ATRNL1: variants seen among roughly 807,000 people sequenced by gnomAD.
ATRNL1 encodes the protein attractin-like protein 1.
In ATRNL1, 95 loss-of-function variants were observed where a neutral mutation model predicts 182.7. That is an observed-to-expected ratio of 0.52 (90% CI 0.44 to 0.62). ATRNL1 has a LOEUF of 0.62. Ranked by LOEUF, ATRNL1 falls within the 20% of genes least tolerant of loss-of-function variation. ATRNL1 has a pLI of 0.00. For missense variants in ATRNL1, 1,471 were observed against 1,679.5 expected (o/e 0.88, Z 2.17); for synonymous variants, 576 against 568.3 (o/e 1.01, Z -0.19).
chr10:115,637,859 G>A (rs1448081898), intron 26 of ATRNL1, among the ~76,000 whole-genome samples: 3 of 151,818 alleles, frequency 2.0e-5, no homozygotes, highest in Admixed American at 6.6e-5. Flanking sequence ...TCCTGACCTC[G>A]TGATCTGCCT....
intron 5 of ATRNL1, among the ~76,000 whole-genome samples, chr10:115,157,175 A>G (rs1592184300): frequency 6.6e-6 from 1 of 152,162 alleles, no homozygotes; most frequent in Non-Finnish European, 1.5e-5. Context: ...CATTGTATAC[A>G]TGTATCAAAA....
chr10:115,413,430 C>T (rs1845237094), intron 20 of ATRNL1, among the ~76,000 whole-genome samples: 1 of 151,858 alleles, frequency 6.6e-6, no homozygotes, highest in Admixed American at 6.6e-5. Flanking sequence ...TGATGTTTAC[C>T]AACTCCTATG....
intron 19 of ATRNL1, among the ~76,000 whole-genome samples, chr10:115,356,618 C>CT: frequency 6.6e-6 from 1 of 152,004 alleles, no homozygotes; most frequent in Non-Finnish European, 1.5e-5. Flanking sequence ...TTAAAAAGAA[C>CT]TATCTGTGGG....
intron 21 of ATRNL1, among the ~76,000 whole-genome samples, chr10:115,442,236 C>G (rs1281455880): frequency 1.9e-4 from 28 of 144,740 alleles, no homozygotes; most frequent in Middle Eastern, 3.8e-3. Context: ...TTTTTTTTTC[C>G]TCAAACAGCG....
intron 10 of ATRNL1, among the ~76,000 whole-genome samples, chr10:115,243,639 A>G (rs1264745571): frequency 6.6e-6 from 1 of 152,042 alleles, no homozygotes; most frequent in Non-Finnish European, 1.5e-5. Flanking sequence ...GTATGTTCTT[A>G]ATTATGGCAA....
intron 10 of ATRNL1, 116 bp from the exon 11 acceptor site, chr10:115,265,077 T>G (rs1851550424): frequency 1.9e-6 from 1 of 524,910 alleles, no homozygotes; most frequent in Non-Finnish European, 3.3e-6. Context: ...AGAATTTTTT[T>G]TTTGCTTCCT....
chr10:115,787,326 G>T (rs1284728307), intron 27 of ATRNL1, among the ~76,000 whole-genome samples: 1 of 152,004 alleles, frequency 6.6e-6, no homozygotes, highest in South Asian at 2.1e-4. Context: ...ATATAGCCAG[G>T]CTTTACCCAT....
At chr10:115,480,245 A>G (rs1365030544) in intron 24 of ATRNL1, among the ~76,000 whole-genome samples, 1 of 149,898 alleles carries the variant, frequency 6.7e-6, no homozygotes, top group Non-Finnish European at 1.5e-5. Flanking sequence ...CAAAACAGAA[A>G]ACTACTGGTT....
intron 25 of ATRNL1, among the ~76,000 whole-genome samples, chr10:115,536,137 G>C (rs987800162): frequency 6.6e-6 from 1 of 152,102 alleles, no homozygotes; most frequent in Non-Finnish European, 1.5e-5. Flanking sequence ...TGCTCTCTTC[G>C]AAGCTGTCAG....
At chr10:115,596,990 T>TA (rs5788106) in intron 26 of ATRNL1, among the ~76,000 whole-genome samples, 72,118 of 151,546 alleles carry the variant, frequency 0.48, 18,620 homozygotes, top group East Asian at 0.84. Context: ...CAAAAAAGGT[T>TA]AAAAAAAATC....
intron 26 of ATRNL1, among the ~76,000 whole-genome samples, chr10:115,556,893 T>A (rs1190332956): frequency 6.6e-5 from 10 of 151,356 alleles, no homozygotes; most frequent in African/African-American, 2.4e-4. Context: ...TGTATCTGTG[T>A]GTATGTGTGT....
chr10:115,919,155 A>G (rs116141633), intron 28 of ATRNL1, among the ~76,000 whole-genome samples: 1 of 152,320 alleles, frequency 6.6e-6, no homozygotes, highest in African/African-American at 2.4e-5. Context: ...TTCAAAAGAT[A>G]AGGGGTCAAC....
At chr10:115,622,231 T>C (rs1857816379) in intron 26 of ATRNL1, among the ~76,000 whole-genome samples, 2 of 152,190 alleles carry the variant, frequency 1.3e-5, no homozygotes, top group South Asian at 4.1e-4. Flanking sequence ...CCAAAGAGAT[T>C]GAGGAACGGG....
In ATRNL1 at chr10:115,100,283, G is replaced by T. The variant is rs532371217; in HGVS notation, c.293+6240G>T. Among the ~76,000 whole-genome samples the T allele has an allele frequency of 1.1e-4, 16 of 151,264 alleles. No individual in the cohort carries two copies. In the East Asian group the frequency reaches 3.1e-3, roughly 29 times the overall value. ...ACTGTACTCCATCCTGGGCAACACA[G>T]CAAGACCATGTCTTTAAAAAATAAA... On this transcript the variant is annotated intron_variant, in intron 1 of 28. Transcript: ENST00000355044.
chr10:115,163,848 G>A (rs117435173), intron 6 of ATRNL1, among the ~76,000 whole-genome samples: 1,822 of 152,260 alleles, frequency 0.012, 24 homozygotes, highest in Non-Finnish European at 0.018. Flanking sequence ...GACTAGTGGT[G>A]TGAATCTGTG....
intron 19 of ATRNL1, among the ~76,000 whole-genome samples, chr10:115,339,037 T>C (rs2134088145): frequency 6.6e-6 from 1 of 152,286 alleles, no homozygotes; most frequent in East Asian, 1.9e-4. Context: ...ACTGTAGCTG[T>C]GTCGATTTGT....
chr10:115,215,957 T>A (rs1554896170), intron 9 of ATRNL1, 77 bp downstream of exon 9: 1 of 1,119,842 alleles, frequency 8.9e-7, no homozygotes, highest in Non-Finnish European at 1.2e-6. Context: ...GTTTCTGACA[T>A]AGAAATACTT....
intron 26 of ATRNL1, among the ~76,000 whole-genome samples, chr10:115,554,487 T>C (rs1438725674): frequency 6.6e-6 from 1 of 151,644 alleles, no homozygotes; most frequent in East Asian, 1.9e-4. Context: ...TTCATTTTGC[T>C]CAGTTCAACA....
intron 27 of ATRNL1, among the ~76,000 whole-genome samples, chr10:115,797,649 T>C (rs191819102): frequency 2.8e-4 from 43 of 152,246 alleles, no homozygotes; most frequent in African/African-American, 1.0e-3. Flanking sequence ...TGTTAGGTAG[T>C]GATAAACCCT....
Sources: allele counts gnomAD v4.1 joint callset (sites outside exome capture counted in the v4.1 genomes callset), GRCh38; gene constraint gnomAD v4.1.1; transcripts MANE v1.5; gene names NCBI Gene and HGNC (gene_info 2026-07-23, HGNC 2026-07-21).